The following ST18 variants were observed in gnomAD, a reference collection of about 807,000 sequenced individuals.
ST18 encodes the protein ST18 C2H2C-type zinc finger transcription factor.
A neutral mutation model predicts 110.0 loss-of-function variants in ST18; 50 were observed. That is an observed-to-expected ratio of 0.45 (90% CI 0.36 to 0.58). The LOEUF is 0.58. ST18 is among the 20% of genes least tolerant of loss of function. ST18 has a pLI of 0.00. For missense variants in ST18, 1,306 were observed against 1,280.1 expected, an observed-to-expected ratio of 1.02 and a Z score of -0.31; for synonymous variants, 461 against 452.4, an observed-to-expected ratio of 1.02 and a Z score of -0.24.
chr8:52,113,129 G>A lies in ST18; in HGVS notation c.*69C>T. The A allele has an allele frequency of 6.3e-7, 1 of 1,588,254 alleles. No individual in the cohort carries two copies. Among genetic ancestry groups the A allele is most frequent in the East Asian group, 2.2e-5 (1 of 44,634 alleles). On this transcript the variant is annotated 3_prime_UTR_variant, in exon 26 of 26. Coordinates refer to ENST00000689386, the MANE Select transcript of ST18 (RefSeq NM_001352837.2). ...CAACCTCCACGCCTTAGCAGTACAT[G>A]AACCTCTAACAGATCCATCTGGAGT...
At chr8:52,402,289 A>G (rs548152158) in intron 2 of ST18, among the ~76,000 whole-genome samples, 1 of 152,192 alleles carries the variant, frequency 6.6e-6, no homozygotes, top group South Asian at 2.1e-4. Context: ...ATGTGATTGG[A>G]ATGGCTGTAG....
intron 2 of ST18, among the ~76,000 whole-genome samples, chr8:52,340,249 C>T (rs1271726700): frequency 1.3e-5 from 2 of 152,218 alleles, no homozygotes; most frequent in African/African-American, 4.8e-5. Context: ...TATTTCAAAG[C>T]CTTTATAAAG....
Position 52,157,131 on chromosome 8 carries a change from G to A in ST18, c.1806+1767C>T, listed in dbSNP as rs547342911. On this transcript the variant is annotated intron_variant, in intron 15 of 25. Coordinates refer to ENST00000689386, the MANE Select transcript of ST18 (RefSeq NM_001352837.2). ...TCTACTGTTTGATTTTTTGAAACGTGTCCATTTAACAATTGCTTTTCTAAC... is the reference window on the plus strand; with the variant it reads ...TCTACTGTTTGATTTTTTGAAACGTATCCATTTAACAATTGCTTTTCTAAC... Among the ~76,000 whole-genome samples the A allele has an allele frequency of 3.3e-5, 5 of 152,302 alleles. No homozygotes were observed. In the East Asian group the frequency reaches 5.8e-4, roughly 18 times the overall value.
chr8:52,309,923 T>C (rs2095876292), intron 2 of ST18, among the ~76,000 whole-genome samples: 1 of 152,154 alleles, frequency 6.6e-6, no homozygotes, highest in Non-Finnish European at 1.5e-5. Context: ...AACGCCATTC[T>C]TTTTCCACCT....
At chr8:52,302,981 G>A (rs1296325829) in intron 2 of ST18, among the ~76,000 whole-genome samples, 2 of 152,142 alleles carry the variant, frequency 1.3e-5, no homozygotes, top group African/African-American at 2.4e-5. Flanking sequence ...TTCTTACCTA[G>A]TCTCAAAGGA....
intron 2 of ST18, among the ~76,000 whole-genome samples, chr8:52,319,378 T>C (rs1222517918): frequency 6.6e-6 from 1 of 152,180 alleles, no homozygotes; most frequent in East Asian, 1.9e-4. Flanking sequence ...CTGAGAAATG[T>C]CTGTTGTGTT....
At chr8:52,321,429 A>T (rs1803861713) in intron 2 of ST18, among the ~76,000 whole-genome samples, 1 of 152,214 alleles carries the variant, frequency 6.6e-6, no homozygotes, top group Admixed American at 6.5e-5. Context: ...TTTTTGAAGG[A>T]TCTATTTTCT....
intron 2 of ST18, among the ~76,000 whole-genome samples, chr8:52,284,924 AT>A (rs2095443619): frequency 6.6e-6 from 1 of 152,036 alleles, no homozygotes; most frequent in Non-Finnish European, 1.5e-5. Context: ...TTTCCCTTCT[AT>A]ATTCTGTCCA....
chr8:52,123,021 T>C (rs576904757), intron 23 of ST18, among the ~76,000 whole-genome samples: 1 of 152,150 alleles, frequency 6.6e-6, no homozygotes, highest in Admixed American at 6.5e-5. Context: ...TCATAACTTC[T>C]GCTTGTTTCT....
At chr8:52,238,603 G>A (rs1040211315) in intron 2 of ST18, among the ~76,000 whole-genome samples, 1 of 151,830 alleles carries the variant, frequency 6.6e-6, no homozygotes, top group South Asian at 2.1e-4. Flanking sequence ...GTCCATCAAC[G>A]GATTACTGGA....
In ST18 at chr8:52,214,267, GA is replaced by G. The variant is rs751856691; in HGVS notation, c.1-11del. ...CAGCCTCTGCATCCATCTATAACAT[GA>G]ACACAAAGTCCTGAGGTCATTCCTT... On this transcript the variant is annotated splice_polypyrimidine_tract_variant and intron_variant, in intron 6 of 25. Transcript: ENST00000689386. 2 of 1,613,656 alleles carry G rather than the reference GA, an allele frequency of 1.2e-6. No individual in the cohort carries two copies.
intron 11 of ST18, among the ~76,000 whole-genome samples, 187 bp downstream of exon 11, chr8:52,166,665 G>A (rs1466011527): frequency 6.6e-6 from 1 of 152,156 alleles, no homozygotes; most frequent in African/African-American, 2.4e-5. Flanking sequence ...TGATCTGTTG[G>A]CTTTCTTGCA....
intron 24 of ST18, among the ~76,000 whole-genome samples, chr8:52,117,945 C>T (rs556154853): frequency 1.3e-5 from 2 of 152,320 alleles, no homozygotes; most frequent in South Asian, 2.1e-4. Flanking sequence ...TAAATACTTA[C>T]ACATTCAGAG....
intron 17 of ST18, among the ~76,000 whole-genome samples, chr8:52,139,165 G>A (rs970107325): frequency 6.6e-6 from 1 of 151,936 alleles, no homozygotes; most frequent in African/African-American, 2.4e-5. Flanking sequence ...TAACATTTCG[G>A]CTGAGTTATC....
intron 9 of ST18, among the ~76,000 whole-genome samples, chr8:52,179,722 T>A (rs1395274735): frequency 2.6e-5 from 4 of 152,162 alleles, no homozygotes; most frequent in African/African-American, 4.8e-5. Flanking sequence ...GAACATTATA[T>A]ATAACTTGAT....
chr8:52,124,631 T>C (rs1272560543), intron 23 of ST18, among the ~76,000 whole-genome samples: 1 of 152,208 alleles, frequency 6.6e-6, no homozygotes, highest in Non-Finnish European at 1.5e-5. Flanking sequence ...ATGGGCAGTA[T>C]TTCCAAGGAG....
intron 2 of ST18, among the ~76,000 whole-genome samples, chr8:52,332,530 CTTTTTTTTTTTTT>C (rs140331895): frequency 1.4e-4 from 7 of 49,770 alleles, no homozygotes; most frequent in African/African-American, 3.3e-4. Flanking sequence ...TCTAATGTAG[CTTTTTTTTTTTTT>C]TTTTTTTTTT....
intron 2 of ST18, 119 bp from the exon 3 acceptor site, chr8:52,230,196 G>A (rs1436216751): frequency 6.6e-6 from 1 of 152,094 alleles, no homozygotes; most frequent in Non-Finnish European, 1.5e-5. Context: ...TAATTTCCAT[G>A]CTGACTATTG....
chr8:52,114,217 G>T (rs376668193), intron 25 of ST18, among the ~76,000 whole-genome samples: 2 of 151,868 alleles, frequency 1.3e-5, no homozygotes, highest in African/African-American at 4.8e-5. Flanking sequence ...TGACCCACCC[G>T]CTTCGGCCTC....
Sources: allele counts gnomAD v4.1 joint callset (sites outside exome capture counted in the v4.1 genomes callset), GRCh38; gene constraint gnomAD v4.1.1; transcripts MANE v1.5; gene names NCBI Gene and HGNC (gene_info 2026-07-23, HGNC 2026-07-21).